Variants in NRG1 observed in about 807,000 individuals in gnomAD.
NRG1 encodes pro-neuregulin-1, membrane-bound isoform.
Under a neutral mutation model 63.8 loss-of-function variants are expected in NRG1, and 18 were observed. The observed-to-expected ratio is 0.28, with a 90% CI of 0.19 to 0.42. NRG1 has a LOEUF of 0.42. Ranked by LOEUF, NRG1 falls within the 10% of genes least tolerant of loss-of-function variation. The pLI is 1.00. For synonymous variants in NRG1, 302 were observed against 301.3 expected (o/e 1.00, Z -0.02); for missense variants, 762 against 814.7 (o/e 0.94, Z 0.79).
chr8:32,499,633 C>A (rs1182305725), intron 1 of NRG1, among the ~76,000 whole-genome samples: 1 of 152,124 alleles, frequency 6.6e-6, no homozygotes, highest in African/African-American at 2.4e-5. Flanking sequence ...ATGATCACAC[C>A]ACTGCCCTCC....
intron 1 of NRG1, among the ~76,000 whole-genome samples, chr8:31,891,358 T>C (rs1268402437): frequency 6.6e-6 from 1 of 152,120 alleles, no homozygotes; most frequent in South Asian, 2.1e-4. Context: ...AAAGAGGATA[T>C]ACATTTGGTG....
At chr8:31,724,251 G>A (rs907704035) in intron 1 of NRG1, among the ~76,000 whole-genome samples, 1 of 151,978 alleles carries the variant, frequency 6.6e-6, no homozygotes, top group Non-Finnish European at 1.5e-5. Flanking sequence ...TTCAGGCTGG[G>A]GATACTATGA....
chr8:32,471,073 G>T (rs1437155299), intron 1 of NRG1, among the ~76,000 whole-genome samples: 1 of 152,154 alleles, frequency 6.6e-6, no homozygotes, highest in East Asian at 1.9e-4. Flanking sequence ...GAGTGCTGGG[G>T]ATTGCAGGCT....
At chr8:32,356,316 C>T (rs1806382541) in intron 1 of NRG1, among the ~76,000 whole-genome samples, 1 of 152,108 alleles carries the variant, frequency 6.6e-6, no homozygotes, top group African/African-American at 2.4e-5. Flanking sequence ...GTGTAGTCAA[C>T]ATTATGATCA....
intron 1 of NRG1, among the ~76,000 whole-genome samples, chr8:32,492,866 G>T (rs750281707): frequency 3.3e-5 from 5 of 151,972 alleles, no homozygotes; most frequent in Non-Finnish European, 5.9e-5. Context: ...CTGGTGGGGA[G>T]GGGAGGCTGG....
At chr8:32,640,821 C>T (rs569039694) in intron 5 of NRG1, among the ~76,000 whole-genome samples, 4 of 152,000 alleles carry the variant, frequency 2.6e-5, no homozygotes, top group South Asian at 4.1e-4. Flanking sequence ...TATCGGCAGG[C>T]GTGGTGGCTC....
At chr8:32,299,025 CAAAAAA>C (rs34799826) in intron 1 of NRG1, among the ~76,000 whole-genome samples, 3 of 59,572 alleles carry the variant, frequency 5.0e-5, no homozygotes, top group African/African-American at 1.2e-4. Context: ...GACTCTATCT[CAAAAAA>C]AAAAAAAAAA....
chr8:32,366,677 G>GTGTATATATATATATATA (rs1164696498), intron 1 of NRG1, among the ~76,000 whole-genome samples: 25 of 87,480 alleles, frequency 2.9e-4, no homozygotes, highest in Non-Finnish European at 4.5e-4. Context: ...GTGTGTGTGT[G>GTGTATATATATATATATA]TATATATATA....
chr8:32,524,512 G>C (rs1456133483), intron 1 of NRG1, among the ~76,000 whole-genome samples: 1 of 144,130 alleles, frequency 6.9e-6, no homozygotes. Flanking sequence ...TTTTTCTATT[G>C]CCCTTCCAAA....
chr8:32,115,045 T>A (rs1832530200), intron 1 of NRG1, among the ~76,000 whole-genome samples: 1 of 152,060 alleles, frequency 6.6e-6, no homozygotes, highest in Non-Finnish European at 1.5e-5. Context: ...ACTTTTTTTT[T>A]TTTCAGATGG....
chr8:32,383,211 C>CA (rs919297871), intron 1 of NRG1, among the ~76,000 whole-genome samples: 2 of 152,116 alleles, frequency 1.3e-5, no homozygotes, highest in Non-Finnish European at 2.9e-5. Flanking sequence ...GGTGATAGAG[C>CA]AAGACCCTGT....
intron 5 of NRG1, among the ~76,000 whole-genome samples, chr8:32,704,379 C>T (rs1470089574): frequency 6.6e-6 from 1 of 152,116 alleles, no homozygotes; most frequent in Non-Finnish European, 1.5e-5. Flanking sequence ...GTGATAGTAT[C>T]CGGCTAAGGT....
chr8:32,048,681 A>G (rs1425311097), intron 1 of NRG1, among the ~76,000 whole-genome samples: 1 of 151,816 alleles, frequency 6.6e-6, no homozygotes, highest in Non-Finnish European at 1.5e-5. Context: ...GTGAGGTGAT[A>G]TCGCATTGTG....
At chr8:32,763,915 T>G in exon 12 of NRG1, 2 of 1,614,036 alleles carry the variant, frequency 1.2e-6, no homozygotes, top group African/African-American at 2.7e-5. Context: ...AGACCTCTAC[T>G]TCTCGTGACA....
chr8:32,274,594 A>G (rs933816463), intron 1 of NRG1, among the ~76,000 whole-genome samples: 1 of 152,236 alleles, frequency 6.6e-6, no homozygotes, highest in African/African-American at 2.4e-5. Flanking sequence ...AAGATATGTA[A>G]TGATTCTGCC....
chr8:31,764,055 G>C (rs1435716240), intron 1 of NRG1, among the ~76,000 whole-genome samples: 1 of 150,402 alleles, frequency 6.6e-6, no homozygotes, highest in African/African-American at 2.4e-5. Flanking sequence ...GTACACAGAA[G>C]ATAAAGGATG....
intron 1 of NRG1, among the ~76,000 whole-genome samples, chr8:31,725,631 A>G (rs1245559110): frequency 6.6e-6 from 1 of 152,202 alleles, no homozygotes; most frequent in African/African-American, 2.4e-5. Context: ...TCTTTATAAT[A>G]AAGAAAGCAA....
chr8:31,663,182 C>A (rs1806176927), intron 1 of NRG1, among the ~76,000 whole-genome samples: 1 of 152,164 alleles, frequency 6.6e-6, no homozygotes, highest in Non-Finnish European at 1.5e-5. Context: ...GCTCCACAAA[C>A]CCAGAATAAA....
rs559114435 is a variant in NRG1, at chr8:31,687,435, C to T, written c.37+48004C>T. Among the ~76,000 whole-genome samples, 80 of 152,242 alleles carry T rather than the reference C, an allele frequency of 5.3e-4. 1 individual carries two copies. Among genetic ancestry groups the T allele is most frequent in the South Asian group, 1.2e-3 (6 of 4,814 alleles). On this transcript the variant is annotated intron_variant, in intron 1 of 10. Coordinates refer to the NRG1 transcript ENST00000519301. ...AGTATAGTTGTGTAAGGCCTGTAGC[C>T]CCTTTCTTTTGACTAATTTATTCCT... is the stretch of plus-strand genomic sequence containing the variant.
Sources: gnomAD v4.1 joint callset for allele counts (sites outside exome capture counted in the v4.1 genomes callset) on GRCh38, gnomAD v4.1.1 for gene constraint, MANE v1.5 for transcripts, NCBI Gene and HGNC (gene_info 2026-07-23, HGNC 2026-07-21) for gene names.